GLMN: variants seen among roughly 807,000 people sequenced by gnomAD.
The protein encoded by GLMN is glomulin.
GLMN carries 75 observed loss-of-function variants against 87.8 expected under a neutral mutation model. That is an observed-to-expected ratio of 0.85 (90% CI 0.71 to 1.04). The LOEUF is 1.04. Ranked by LOEUF, GLMN falls within the 50% of genes least tolerant of loss-of-function variation. GLMN has a pLI of 0.00. For synonymous variants in GLMN, 206 were observed against 221.6 expected (o/e 0.93, Z 0.63); for missense variants, 588 against 658.8 (o/e 0.89, Z 1.18).
the GLMN span, among the ~76,000 whole-genome samples, chr1:92,356,436 G>C: frequency 6.6e-6 from 1 of 151,652 alleles, no homozygotes; most frequent in East Asian, 1.9e-4. Flanking sequence ...TTTATTTTTT[G>C]AGACAGAATC....
the GLMN span, among the ~76,000 whole-genome samples, chr1:92,337,739 A>G: frequency 1.3e-5 from 2 of 152,208 alleles, no homozygotes; most frequent in African/African-American, 2.4e-5. Context: ...TTGTTTATAT[A>G]TAATTTAGGA....
the GLMN span, chr1:92,304,268 ACTTT>A: frequency 7.1e-7 from 1 of 1,414,622 alleles, no homozygotes; most frequent in African/African-American, 1.4e-5. Context: ...TGTAAGCTGT[ACTTT>A]CTTTTCTTTA....
At chr1:92,286,065 T>G (rs915983509) in intron 7 of GLMN, among the ~76,000 whole-genome samples, 2 of 151,882 alleles carry the variant, frequency 1.3e-5, no homozygotes, top group Non-Finnish European at 2.9e-5. Flanking sequence ...AAAAGAAAAC[T>G]TGGAGTTGTC....
At chr1:92,357,344 G>T in the GLMN span, among the ~76,000 whole-genome samples, 4 of 152,152 alleles carry the variant, frequency 2.6e-5, no homozygotes, top group South Asian at 8.3e-4. Flanking sequence ...AGAAGTAAAA[G>T]ATTTCAATTG....
rs772925432 is a variant in GLMN at position 92,288,974 on chromosome 1, A to T, written c.572T>A (p.Val191Asp). ...CAGTGAGTTTTCTTTGTTATCAATGACTTCTTCCACAAAAGGCTTAGTGAA... is the reference window on the plus strand; with the variant it reads ...CAGTGAGTTTTCTTTGTTATCAATGTCTTCTTCCACAAAAGGCTTAGTGAA... ...IEFTKPFVEE[V>D]IDNKENSLEN... The change falls in exon 6 of 19, where the codon GTC becomes GAC. Residue 191 changes from valine (V) to aspartate (D), a missense_variant. Physicochemically the swap from Val to Asp is radical, Grantham distance 152. Transcript: ENST00000370360. 8 of 1,612,390 alleles carry T rather than the reference A, an allele frequency of 5.0e-6. No homozygotes were observed. Among genetic ancestry groups the T allele is most frequent in the Non-Finnish European group, 5.9e-6 (7 of 1,178,464 alleles).
chr1:92,304,307 T>G, the GLMN span: 16 of 1,508,936 alleles, frequency 1.1e-5, no homozygotes, highest in Non-Finnish European at 1.5e-5. Flanking sequence ...AATATAAAAT[T>G]TCTACCAAAA....
chr1:92,359,637 C>A, the GLMN span, among the ~76,000 whole-genome samples: 1 of 152,194 alleles, frequency 6.6e-6, no homozygotes, highest in African/African-American at 2.4e-5. Context: ...TGGTTTTATA[C>A]CTGTTTTGCA....
chr1:92,324,503 C>T, the GLMN span: 2 of 747,958 alleles, frequency 2.7e-6, no homozygotes, highest in Admixed American at 5.8e-5. Context: ...TTTAGTCATT[C>T]TGCCTTTTGG....
chr1:92,370,287 C>T, the GLMN span, among the ~76,000 whole-genome samples: 1 of 152,084 alleles, frequency 6.6e-6, no homozygotes, highest in Non-Finnish European at 1.5e-5. Flanking sequence ...GGGCACTACG[C>T]TTTAAGAAAA....
At chr1:92,266,617 A>C (rs752600545) in intron 12 of GLMN, 83 bp downstream of exon 12, 4 of 1,219,720 alleles carry the variant, frequency 3.3e-6, no homozygotes, top group Non-Finnish European at 4.7e-6. Flanking sequence ...TCACAAATTA[A>C]AATTTTTAAA....
chr1:92,333,090 A>G, the GLMN span, among the ~76,000 whole-genome samples: 1 of 152,188 alleles, frequency 6.6e-6, no homozygotes, highest in African/African-American at 2.4e-5. Context: ...ACATTTGTAC[A>G]GCACTTAGCA....
At chr1:92,324,392 T>C in the GLMN span, 5 of 1,574,744 alleles carry the variant, frequency 3.2e-6, no homozygotes, top group East Asian at 2.2e-5. Context: ...CTTACAGACA[T>C]TGAGTTTTTC....
chr1:92,355,147 G>A, the GLMN span, among the ~76,000 whole-genome samples: 1 of 151,784 alleles, frequency 6.6e-6, no homozygotes, highest in Non-Finnish European at 1.5e-5. Context: ...CTCCCACCTT[G>A]TCCTTATGTC....
Position 92,289,428 on chromosome 1 carries a change from T to G in GLMN, c.395-277A>C, listed in dbSNP as rs1044863680. On this transcript the variant is annotated intron_variant, in intron 5 of 18. Transcript: ENST00000370360. Reference sequence around the variant, plus strand: ...CAGAAACATGTTCTTTCCATGTTTTTGGGTTGTTATAAGCACAAAATATAA... The same window carrying G: ...CAGAAACATGTTCTTTCCATGTTTTGGGGTTGTTATAAGCACAAAATATAA... Among the ~76,000 whole-genome samples, 6 of 152,206 alleles carry G rather than the reference T, an allele frequency of 3.9e-5. No individual in the cohort carries two copies. The South Asian group carries it at 1.2e-3, about 32-fold the overall frequency.
chr1:92,262,839 T>C, intron 16 of GLMN, 24 bp downstream of exon 16: 1 of 955,098 alleles, frequency 1.0e-6, no homozygotes, highest in Non-Finnish European at 1.7e-6. Context: ...ATACTCACAG[T>C]TTCTTTTCAA....
chr1:92,333,144 AG>A, the GLMN span: 1 of 426,784 alleles, frequency 2.3e-6, no homozygotes, highest in South Asian at 4.9e-5. Context: ...TTAATAAAGG[AG>A]GTATTAATAT....
intron 7 of GLMN, among the ~76,000 whole-genome samples, chr1:92,280,013 G>C (rs934772007): frequency 3.3e-5 from 5 of 152,250 alleles, no homozygotes; most frequent in Non-Finnish European, 5.9e-5. Context: ...TGCCTCTATA[G>C]ATTCTACCTC....
chr1:92,297,828 T>A, intron 2 of GLMN, 133 bp downstream of exon 2: 1 of 652,832 alleles, frequency 1.5e-6, no homozygotes, highest in South Asian at 1.9e-5. Context: ...CCCCCACTCA[T>A]GCTCTTTACA....
chr1:92,263,116 TATC>T (rs1481996006), intron 15 of GLMN, among the ~76,000 whole-genome samples, 190 bp from the exon 16 acceptor site: 5 of 152,326 alleles, frequency 3.3e-5, no homozygotes, highest in African/African-American at 1.2e-4. Flanking sequence ...TTGTGAAAAT[TATC>T]ATCCTTGTTT....
Sources: gnomAD v4.1 joint callset for allele counts (sites outside exome capture counted in the v4.1 genomes callset) on GRCh38, gnomAD v4.1.1 for gene constraint, MANE v1.5 for transcripts, NCBI Gene and HGNC (gene_info 2026-07-23, HGNC 2026-07-21) for gene names.